The following P2RY13 variants were observed in gnomAD, a reference collection of about 807,000 sequenced individuals.
P2RY13 encodes the protein purinergic receptor P2Y13.
For missense variants in P2RY13, 412 were observed against 418.4 expected, an observed-to-expected ratio of 0.98 and a Z score of 0.13; for synonymous variants, 150 against 155.1, an observed-to-expected ratio of 0.97 and a Z score of 0.24.
rs1371017941 is a variant in P2RY13 at position 151,329,548 on chromosome 3, G to A, written c.-20C>T. On this transcript the variant is annotated 5_prime_UTR_variant, in exon 1 of 2. Transcript: ENST00000325602. ...AGTCATTAGTTCAGCCTACAAATGA[G>A]CATGTGAAGCAAATGTTCTGCTTTC... 6.6e-7 allele frequency: 1 copy of A among 1,526,514 alleles called. No individual in the cohort carries two copies. The highest frequency in any genetic ancestry group is 1.2e-5 in the South Asian group (1 of 82,534). The allele number at this position is 1,526,514 out of a possible 1,614,324, so 94.6% of individuals were successfully genotyped here.
Position 151,327,860 on chromosome 3 carries a change from C to A in P2RY13, c.*131G>T. Reference sequence around the variant, plus strand: ...TATGTGGATTTAAATTTTATATAATCTTTTCTGTACACGAGGATAATAAAA... The same window carrying A: ...TATGTGGATTTAAATTTTATATAATATTTTCTGTACACGAGGATAATAAAA... On this transcript the variant is annotated 3_prime_UTR_variant, in exon 2 of 2. Transcript: ENST00000325602. 2 of 653,522 alleles carry A rather than the reference C, an allele frequency of 3.1e-6. No individual in the cohort carries two copies. The highest frequency in any genetic ancestry group is 2.8e-5 in the East Asian group (1 of 36,054). 40.5% of individuals were successfully genotyped at this position (653,522 alleles called of 1,614,324 possible).
In P2RY13 at chr3:151,329,519, C is replaced by A; in HGVS notation, c.10G>T (p.Ala4Ser). The A allele has an allele frequency of 1.9e-6, 3 of 1,547,278 alleles. No individual in the cohort carries two copies. Among genetic ancestry groups the A allele is most frequent in the Middle Eastern group, 1.7e-4 (1 of 5,974 alleles). Residue 4 changes from alanine to serine, a missense_variant, in exon 1 of 2, where the codon GCC (alanine) becomes TCC (serine). Coordinates refer to ENST00000325602, the MANE Select transcript of P2RY13 (RefSeq NM_176894.3). MTA[A>S]IRRQRELSIL... ...CTCAGTTCTCTCTGTCTTCTTATGG[C>A]GGCAGTCATTAGTTCAGCCTACAAA...
rs764745405 is a variant in P2RY13 at position 151,328,995 on chromosome 3, C to T, written c.61G>A (p.Ala21Thr). 2.5e-6 allele frequency: 4 copies of T among 1,592,706 alleles called. No homozygotes were observed. The South Asian group carries it at 4.5e-5, about 18-fold the overall frequency. Residue 21 changes from alanine to threonine, a missense_variant, in exon 2 of 2, where the codon GCA becomes ACA. Ala to Thr is a moderately conservative substitution (Grantham distance 58). Coordinates refer to ENST00000325602, the MANE Select transcript of P2RY13 (RefSeq NM_176894.3). ...LSILPKVTLE[A>T]MNTTVMQGFN... ...CCTTGCATCACTGTGGTGTTCATTGCTTCCAGTGTCACCTGTTACCAATAA... is the reference window on the plus strand; with the variant it reads ...CCTTGCATCACTGTGGTGTTCATTGTTTCCAGTGTCACCTGTTACCAATAA...
Position 151,327,994 on chromosome 3 carries a change from G to T in P2RY13, c.1062C>A (p.Gly354=), listed in dbSNP as rs745964145. The change falls in exon 2 of 2, where the codon GGC becomes GGA. Residue 354 remains glycine, a synonymous_variant. Transcript: ENST00000325602. ...AAGTTAACCCTATGTACAGTTGTCAGCCTAAGGTTATGTTGTCTGTCTGAC... is the reference window on the plus strand; with the variant it reads ...AAGTTAACCCTATGTACAGTTGTCATCCTAAGGTTATGTTGTCTGTCTGAC... The part of the protein sequence containing the change: ...HSSQTDNITL[G] 6.4e-7 allele frequency: 1 copy of T among 1,556,686 alleles called. No individual in the cohort carries two copies. Among genetic ancestry groups the T allele is most frequent in the Non-Finnish European group, 8.6e-7 (1 of 1,157,078 alleles).
chr3:151,328,610 A>T lies in P2RY13; in HGVS notation c.446T>A (p.Leu149Ter), dbSNP rs138841969. 1.2e-6 allele frequency: 2 copies of T among 1,613,848 alleles called. No homozygotes were observed. The highest frequency in any genetic ancestry group is 8.5e-7 in the Non-Finnish European group (1 of 1,179,928). The change falls in exon 2 of 2, where the codon TTG becomes TAG. Residue 149 changes from leucine (L) to a stop codon, truncating the protein, a stop_gained. Transcript: ENST00000325602. LOFTEE classifies it low-confidence loss of function (END_TRUNC). The part of the protein sequence containing the change: ...FDRFLKIIRP[L>*]RNIFLKKPVF... ...AGGTTTTTTTAGAAAAATATTTCTC[A>T]AAGGTCTGATGATCTTGAGGAATCT...
chr3:151,329,350 T>C, intron 1 of P2RY13, 131 bp downstream of exon 1: 2 of 613,228 alleles, frequency 3.3e-6, no homozygotes, highest in Non-Finnish European at 5.8e-6. Flanking sequence ...ATCAGATTGC[T>C]GTAAATTATG....
At position 151,328,513 on chromosome 3, in the gene P2RY13, C is replaced by T; in HGVS notation, c.543G>A (p.Leu181=). 1 of 1,613,960 alleles carries T rather than the reference C, an allele frequency of 6.2e-7. No individual in the cohort carries two copies. The highest frequency in any genetic ancestry group is 8.5e-7 in the Non-Finnish European group (1 of 1,179,948). Residue 181 remains leucine (L), a synonymous_variant, in exon 2 of 2, where the codon TTG becomes TTA. Transcript: ENST00000325602. ...LFFISLPNTI[L]SNKEATPSSV... The stretch of plus-strand genomic sequence containing the variant: ...ACGATGGTGTTGCTTCCTTGTTGCT[C>T]AAGATCGTATTTGGCAGGGAGATGA...
Position 151,328,594 on chromosome 3 carries a change from T to A in P2RY13, c.462A>T (p.Leu154=), listed in dbSNP as rs764264287. ...KIIRPLRNIF[L]KKPVFAKTVS... is the part of the protein sequence containing the mutation. ...CCGTTTTTGCAAAAACAGGTTTTTT[T>A]AGAAAAATATTTCTCAAAGGTCTGA... Residue 154 remains leucine (L), a synonymous_variant, in exon 2 of 2, where the codon CTA becomes CTT. Coordinates refer to ENST00000325602, the MANE Select transcript of P2RY13 (RefSeq NM_176894.3). 3.7e-6 allele frequency: 6 copies of A among 1,613,694 alleles called. No homozygotes were observed. In the Admixed American group the frequency reaches 5.0e-5, roughly 13 times the overall value.
Position 151,327,766 on chromosome 3 carries a change from G to T in P2RY13, c.*225C>A. ...AAAAAAAAAGAAAGAAAGAAATAATGACCTCTAGTGGCCATTTGTATCCTG... is the reference window on the plus strand; with the variant it reads ...AAAAAAAAAGAAAGAAAGAAATAATTACCTCTAGTGGCCATTTGTATCCTG... On this transcript the variant is annotated 3_prime_UTR_variant, in exon 2 of 2. Coordinates refer to ENST00000325602, the MANE Select transcript of P2RY13 (RefSeq NM_176894.3). 2.4e-4 allele frequency: 79 copies of T among 334,792 alleles called. No individual in the cohort carries two copies. Among genetic ancestry groups the T allele is most frequent in the Middle Eastern group, 8.3e-4 (1 of 1,206 alleles). The allele number at this position is 334,792 out of a possible 1,614,324, so 20.7% of individuals were successfully genotyped here.
Position 151,328,041 on chromosome 3 carries a change from A to G in P2RY13, c.1015T>C (p.Ser339Pro), listed in dbSNP as rs770644573. ...PCMQGRKTTASSQENHSSQTD... is the reference protein window; with the variant it reads ...PCMQGRKTTAPSQENHSSQTD... ...TGACTGCTATGATTTTCTTGGCTTG[A>G]TGCTGTGGTCTTTCTCCCTTGCATA... The change falls in exon 2 of 2, where the codon TCA becomes CCA. Residue 339 changes from serine to proline, a missense_variant. Physicochemically the swap from Ser to Pro is moderately conservative, Grantham distance 74. Transcript: ENST00000325602. 6.9e-6 allele frequency: 11 copies of G among 1,602,186 alleles called. No homozygotes were observed.
intron 1 of P2RY13, among the ~76,000 whole-genome samples, 159 bp from the exon 2 acceptor site, chr3:151,329,166 T>A (rs1275715895): frequency 6.6e-6 from 1 of 152,216 alleles, no homozygotes; most frequent in Non-Finnish European, 1.5e-5. Context: ...AAATACTGTT[T>A]TCTGGCTAGA....
chr3:151,328,772 A>AT lies in P2RY13; in HGVS notation c.283dup (p.Met95AsnfsTer9). 6.2e-7 allele frequency: 1 copy of AT among 1,614,024 alleles called. No homozygotes were observed. ...GTCAGAGAGGATTTTGAAAGGAAGCATGAGTGTCATTATCAAGTCGGCCAC... is the reference window on the plus strand; with the variant it reads ...GTCAGAGAGGATTTTGAAAGGAAGCATTGAGTGTCATTATCAAGTCGGCCAC... On this transcript the variant is annotated frameshift_variant, in exon 2 of 2. Coordinates refer to ENST00000325602, the MANE Select transcript of P2RY13 (RefSeq NM_176894.3). LOFTEE classifies it low-confidence loss of function (END_TRUNC).
chr3:151,329,014 C>T lies in P2RY13; in HGVS notation c.49-7G>A. On this transcript the variant is annotated splice_region_variant and splice_polypyrimidine_tract_variant and intron_variant, in intron 1 of 1. Coordinates refer to ENST00000325602, the MANE Select transcript of P2RY13 (RefSeq NM_176894.3). ...TCATTGCTTCCAGTGTCACCTGTTACCAATAAACATATATACAAACAAAAG... is the reference window on the plus strand; with the variant it reads ...TCATTGCTTCCAGTGTCACCTGTTATCAATAAACATATATACAAACAAAAG... 1 of 1,562,682 alleles carries T rather than the reference C, an allele frequency of 6.4e-7. No homozygotes were observed. The highest frequency in any genetic ancestry group is 8.6e-7 in the Non-Finnish European group (1 of 1,156,432).
At chr3:151,329,448 A>G in intron 1 of P2RY13, 33 bp downstream of exon 1, 1 of 1,408,286 alleles carries the variant, frequency 7.1e-7, no homozygotes, top group South Asian at 1.3e-5. Context: ...TATATAAGCA[A>G]GCACACTCAT....
At position 151,329,427 on chromosome 3, in the gene P2RY13, G is replaced by A. The variant is rs1280618254; in HGVS notation, c.48+54C>T. The A allele has an allele frequency of 3.6e-6, 4 of 1,115,752 alleles. No individual in the cohort carries two copies. In the African/African-American group the frequency reaches 4.7e-5, roughly 13 times the overall value. The allele number at this position is 1,115,752 out of a possible 1,614,324, so 69.1% of individuals were successfully genotyped here. A position where few individuals can be genotyped will look rare whatever the true frequency, so the allele number is the denominator to read the frequency against. On this transcript the variant is annotated intron_variant, in intron 1 of 1. Transcript: ENST00000325602. The stretch of plus-strand genomic sequence containing the variant: ...CTTTAAAGCACCTTTTTTCCCTTAA[G>A]CATATTCTTTTATATAAGCAAGCAC...
At chr3:151,329,041 A>G (rs954437328) in intron 1 of P2RY13, 34 bp from the exon 2 acceptor site, 3 of 1,456,764 alleles carry the variant, frequency 2.1e-6, no homozygotes, top group Non-Finnish European at 2.8e-6. Context: ...AAACAAAAGA[A>G]AACAAAAAGC....
rs1033860803 is a variant in P2RY13 at position 151,327,866 on chromosome 3, T to G, written c.*125A>C. 4 of 688,242 alleles carry G rather than the reference T, an allele frequency of 5.8e-6. No individual in the cohort carries two copies. The African/African-American group carries it at 7.2e-5, about 12-fold the overall frequency. 42.6% of individuals were successfully genotyped at this position (688,242 alleles called of 1,614,324 possible). A position where few individuals can be genotyped will look rare whatever the true frequency, so the allele number is the denominator to read the frequency against. On this transcript the variant is annotated 3_prime_UTR_variant, in exon 2 of 2. Transcript: ENST00000325602. ...GATTTAAATTTTATATAATCTTTTC[T>G]GTACACGAGGATAATAAAATGTAAG...
At position 151,326,371 on chromosome 3, in the gene P2RY13, A is replaced by G. The variant is rs186193837; in HGVS notation, c.*1620T>C. On this transcript the variant is annotated 3_prime_UTR_variant, in exon 2 of 2. Transcript: ENST00000325602. ...AAACAATCTCTCCTTTCAGATATAT[A>G]CATCAGTTACTAAAAGAGTAGATAC... The G allele has an allele frequency of 6.5e-6, 1 of 152,764 alleles. No individual in the cohort carries two copies. Among genetic ancestry groups the G allele is most frequent in the East Asian group, 1.9e-4 (1 of 5,186 alleles). The allele number at this position is 152,764 out of a possible 1,614,324, so 9.5% of individuals were successfully genotyped here.
In P2RY13 at chr3:151,328,640, A is replaced by G. The variant is rs1159733246; in HGVS notation, c.416T>C (p.Phe139Ser). The G allele has an allele frequency of 6.2e-7, 1 of 1,613,900 alleles. No individual in the cohort carries two copies. The highest frequency in any genetic ancestry group is 8.5e-7 in the Non-Finnish European group (1 of 1,179,926). Reference protein sequence around the residue: ...VGIVLLGLIAFDRFLKIIRPL... With the variant: ...VGIVLLGLIASDRFLKIIRPL... The stretch of plus-strand genomic sequence containing the variant: ...TCTGATGATCTTGAGGAATCTGTCA[A>G]AGGCTATGAGCCCTAACAGCACGAT... Residue 139 changes from phenylalanine to serine, a missense_variant, in exon 2 of 2, where the codon TTT (phenylalanine) becomes TCT (serine). Transcript: ENST00000325602.
Sources: gnomAD v4.1 joint callset for allele counts (sites outside exome capture counted in the v4.1 genomes callset) on GRCh38, gnomAD v4.1.1 for gene constraint, MANE v1.5 for transcripts, NCBI Gene and HGNC (gene_info 2026-07-23, HGNC 2026-07-21) for gene names.